The following RBFOX1 variants were observed in gnomAD, a reference collection of about 807,000 sequenced individuals.
The protein encoded by RBFOX1 is RNA binding fox-1 homolog 1, also known as RNA binding protein fox-1 homolog 1.
Under a neutral mutation model 57.7 loss-of-function variants are expected in RBFOX1, and 8 were observed. That is an observed-to-expected ratio of 0.14 (90% CI 0.08 to 0.25). RBFOX1 has a LOEUF of 0.25. Ranked by LOEUF, RBFOX1 falls within the 10% of genes least tolerant of loss-of-function variation. The pLI, the probability that RBFOX1 is intolerant of heterozygous loss-of-function variation, is 1.00. For synonymous variants in RBFOX1, 326 were observed against 222.4 expected (o/e 1.47, Z -4.15); for missense variants, 611 against 548.5 (o/e 1.11, Z -1.14).
chr16:7,295,568 G>C (rs1234008736), intron 4 of RBFOX1, among the ~76,000 whole-genome samples: 1 of 152,112 alleles, frequency 6.6e-6, no homozygotes, highest in Admixed American at 6.5e-5. Flanking sequence ...TTAAGAACTT[G>C]TATGTCAGTA....
chr16:7,096,962 A>G (rs981311245), intron 4 of RBFOX1, among the ~76,000 whole-genome samples: 6 of 150,696 alleles, frequency 4.0e-5, no homozygotes, highest in South Asian at 4.2e-4. Flanking sequence ...AGGACTGAGA[A>G]TAGGGAAGTG....
chr16:7,134,438 A>G (rs2071355098), intron 4 of RBFOX1, among the ~76,000 whole-genome samples: 5 of 152,216 alleles, frequency 3.3e-5, no homozygotes, highest in Admixed American at 1.3e-4. Context: ...GATGCATCCA[A>G]TTATTGATAT....
chr16:5,646,125 G>A (rs1202271340), intron 3 of RBFOX1, among the ~76,000 whole-genome samples: 1 of 151,132 alleles, frequency 6.6e-6, no homozygotes, highest in Non-Finnish European at 1.5e-5. Flanking sequence ...TGCCTCCCGG[G>A]TTTACACTAT....
rs1323184864 is a variant in RBFOX1 at position 7,567,349 on chromosome 16, A to ATATC, written c.271-12427_271-12426insATCT. ...TCCCTATATATGGCCCTATATATAT[A>ATATC]TCCCTATATATGGCCCTATATATAT... On this transcript the variant is annotated intron_variant, in intron 5 of 15. Coordinates refer to ENST00000550418, the MANE Select transcript of RBFOX1 (RefSeq NM_018723.4). Among the ~76,000 whole-genome samples, 11 of 115,936 alleles carry ATATC rather than the reference A, an allele frequency of 9.5e-5. 3 individuals carry two copies. Among genetic ancestry groups the ATATC allele is most frequent in the African/African-American group, 3.0e-4 (9 of 30,394 alleles). The allele number at this position is 115,936 out of a possible 152,430, so 76.1% of individuals were successfully genotyped here. A position where few individuals can be genotyped will look rare whatever the true frequency, so the allele number is the denominator to read the frequency against.
intron 1 of RBFOX1, among the ~76,000 whole-genome samples, chr16:6,188,722 A>C (rs1006869363): frequency 2.6e-5 from 4 of 152,196 alleles, no homozygotes; most frequent in Non-Finnish European, 5.9e-5. Context: ...GTGGAGGCGA[A>C]AAAATGGAAC....
At chr16:7,148,437 G>A (rs1016264919) in intron 4 of RBFOX1, among the ~76,000 whole-genome samples, 13 of 152,068 alleles carry the variant, frequency 8.5e-5, no homozygotes, top group East Asian at 1.9e-4. Context: ...CCTTCTCTAT[G>A]TATTTTAAAA....
intron 2 of RBFOX1, among the ~76,000 whole-genome samples, chr16:6,457,196 A>G (rs1204360567): frequency 2.0e-5 from 3 of 152,154 alleles, no homozygotes; most frequent in Non-Finnish European, 4.4e-5. Flanking sequence ...GATTTATAAG[A>G]CAGTCTAAGC....
chr16:7,296,590 C>G (rs1368201837), intron 4 of RBFOX1, among the ~76,000 whole-genome samples: 1 of 152,112 alleles, frequency 6.6e-6, no homozygotes, highest in African/African-American at 2.4e-5. Flanking sequence ...TTGCAAGTAG[C>G]AGAGCTTGAA....
intron 3 of RBFOX1, among the ~76,000 whole-genome samples, chr16:6,790,964 G>A (rs375032125): frequency 6.6e-6 from 1 of 151,612 alleles, no homozygotes; most frequent in East Asian, 1.9e-4. Context: ...GGAGTGCATT[G>A]GTATGATCTT....
At chr16:6,517,575 A>G (rs2096405464) in intron 2 of RBFOX1, among the ~76,000 whole-genome samples, 1 of 152,274 alleles carries the variant, frequency 6.6e-6, no homozygotes, top group East Asian at 1.9e-4. Context: ...AGGAGAATTT[A>G]GAAATGCTTT....
intron 1 of RBFOX1, among the ~76,000 whole-genome samples, chr16:6,255,151 T>C (rs1211268160): frequency 6.6e-6 from 1 of 151,962 alleles, no homozygotes; most frequent in East Asian, 1.9e-4. Flanking sequence ...ATTAGAAGGG[T>C]GGTGAGAACC....
At chr16:5,584,814 G>A (rs2046781061) in intron 2 of RBFOX1, among the ~76,000 whole-genome samples, 1 of 152,186 alleles carries the variant, frequency 6.6e-6, no homozygotes, top group Non-Finnish European at 1.5e-5. Context: ...AGACATTGCT[G>A]ATACAGACCC....
chr16:6,292,831 C>G (rs1290870229), intron 1 of RBFOX1, among the ~76,000 whole-genome samples: 6 of 152,198 alleles, frequency 3.9e-5, no homozygotes, highest in Middle Eastern at 3.2e-3. Flanking sequence ...CTGGGAGCTA[C>G]ATTTCTGAGC....
chr16:5,391,760 C>T lies in RBFOX1; in HGVS notation c.220-75456C>T, dbSNP rs199542487. ...CTGTTTTCATATCTAGATTTCCTTT[C>T]TTAAAAGAAGGACACATGCCCATCA... On this transcript the variant is annotated intron_variant, in intron 1 of 2. Coordinates refer to the RBFOX1 transcript ENST00000585867. Among the ~76,000 whole-genome samples the T allele has an allele frequency of 1.3e-4, 19 of 151,870 alleles. No individual in the cohort carries two copies. The East Asian group carries it at 3.7e-3, about 30-fold the overall frequency.
intron 3 of RBFOX1, among the ~76,000 whole-genome samples, chr16:6,883,260 G>C (rs1380107807): frequency 6.6e-6 from 1 of 152,080 alleles, no homozygotes; most frequent in South Asian, 2.1e-4. Context: ...CTTTTTTAAA[G>C]TTGTCCTAGA....
intron 4 of RBFOX1, among the ~76,000 whole-genome samples, chr16:7,165,442 C>T (rs4786972): frequency 1 from 148,654 of 148,754 alleles, 74,277 homozygotes; most frequent in East Asian, 1. Context: ...ATTATTTTAC[C>T]ATTTGAGATG....
chr16:5,747,268 C>G (rs2053022078), intron 3 of RBFOX1, among the ~76,000 whole-genome samples: 1 of 152,194 alleles, frequency 6.6e-6, no homozygotes, highest in African/African-American at 2.4e-5. Context: ...TTGTGATGTG[C>G]TGCTGGATTC....
chr16:6,760,820 A>T (rs1306995142), intron 3 of RBFOX1, among the ~76,000 whole-genome samples: 1 of 152,152 alleles, frequency 6.6e-6, no homozygotes, highest in Non-Finnish European at 1.5e-5. Context: ...AACTAGAACC[A>T]ACACCAACAG....
chr16:5,574,814 A>G (rs1372115732), intron 2 of RBFOX1, among the ~76,000 whole-genome samples: 1 of 152,144 alleles, frequency 6.6e-6, no homozygotes, highest in Non-Finnish European at 1.5e-5. Context: ...GAAAGGCATT[A>G]TTTTGTTGTC....
Sources: gnomAD v4.1 joint callset for allele counts (sites outside exome capture counted in the v4.1 genomes callset) on GRCh38, gnomAD v4.1.1 for gene constraint, MANE v1.5 for transcripts, NCBI Gene and HGNC (gene_info 2026-07-23, HGNC 2026-07-21) for gene names.